The following ANK3 variants were observed in gnomAD, a reference collection of about 807,000 sequenced individuals.
The protein encoded by ANK3 is ankyrin-3.
Under a neutral mutation model 370.9 loss-of-function variants are expected in ANK3, and 57 were observed. The observed-to-expected ratio is 0.15, with a 90% CI of 0.12 to 0.19. The LOEUF is 0.19. Among genes scored for constraint, ANK3 ranks in the 10% least tolerant of loss-of-function variants. The probability of loss-of-function intolerance (pLI) is 1.00; values close to 1 mark genes in which losing one functional copy is unlikely to be tolerated. For synonymous variants in ANK3, 1,929 were observed against 1,946.3 expected (o/e 0.99, Z 0.23); for missense variants, 4,439 against 5,302.1 (o/e 0.84, Z 5.06).
Position 60,074,756 on chromosome 10 carries a change from C to G in ANK3, c.6125G>C (p.Gly2042Ala), listed in dbSNP as rs2131981990. Reference sequence around the variant, plus strand: ...TTTTAAGTTTGTCAGTGAACTACTCCCAATATCATTTGTTAGGTAATCAAT... The same window carrying G: ...TTTTAAGTTTGTCAGTGAACTACTCGCAATATCATTTGTTAGGTAATCAAT... ...KVIDYLTNDI[G>A]SSSLTNLKYK... The change falls in exon 37 of 44, where the codon GGG (glycine) becomes GCG (alanine). Residue 2042 changes from glycine (G) to alanine (A), a missense_variant. This residue lies in a region of ANK3 where 679 missense variants were observed against 791.0 expected (regional missense o/e 0.86). Transcript: ENST00000280772. The G allele has an allele frequency of 6.2e-7, 1 of 1,614,060 alleles. No homozygotes were observed. The highest frequency in any genetic ancestry group is 8.5e-7 in the Non-Finnish European group (1 of 1,179,996).
rs144051466 is a variant in ANK3, at chr10:60,181,340, C to T, written c.2173G>A (p.Ala725Thr). 2.0e-4 allele frequency: 318 copies of T among 1,614,114 alleles called. 1 individual carries two copies. The highest frequency in any genetic ancestry group is 2.4e-4 in the Non-Finnish European group (289 of 1,179,960). The change falls in exon 18 of 44, where the codon GCC (alanine) becomes ACC (threonine). Residue 725 changes from alanine to threonine, a missense_variant. This residue lies in a region of ANK3 where 702 missense variants were observed against 941.5 expected (regional missense o/e 0.75). Coordinates refer to ENST00000280772, the MANE Select transcript of ANK3 (RefSeq NM_020987.5). Reference protein sequence around the residue: ...VLVNQGAHVDAQTKMGYTPLH... With the variant: ...VLVNQGAHVDTQTKMGYTPLH... ...GGAGGGCCGTATACCTTTGTCTGGG[C>T]GTCCACATGAGCCCCTTGGTTTACG...
At chr10:60,726,375 G>A (rs2079941283) in intron 1 of ANK3, among the ~76,000 whole-genome samples, 2 of 152,124 alleles carry the variant, frequency 1.3e-5, no homozygotes, top group Non-Finnish European at 2.9e-5. Flanking sequence ...CAGACATAAG[G>A]ATATGAACAA....
At chr10:60,321,785 T>C (rs919464413) in intron 1 of ANK3, among the ~76,000 whole-genome samples, 2 of 152,202 alleles carry the variant, frequency 1.3e-5, no homozygotes, top group African/African-American at 4.8e-5. Flanking sequence ...CTGCCTCCCC[T>C]TTGTTGATCA....
In ANK3 at chr10:60,124,197, G is replaced by A. The variant is rs146475074; in HGVS notation, c.2842-9866C>T. The stretch of plus-strand genomic sequence containing the variant: ...TTTTGAGACAGAGTCTCACTCTGTC[G>A]CCTAGGCTCAAGTGCAGTGGCGCTA... On this transcript the variant is annotated intron_variant, in intron 25 of 43. Coordinates refer to ENST00000280772, the MANE Select transcript of ANK3 (RefSeq NM_020987.5). Among the ~76,000 whole-genome samples, 1,343 of 152,150 alleles carry A rather than the reference G, an allele frequency of 8.8e-3. 28 individuals are homozygous for A. The highest frequency in any genetic ancestry group is 0.031 in the African/African-American group (1,277 of 41,528).
At chr10:60,032,159 T>TA (rs2131833163) in intron 43 of ANK3, among the ~76,000 whole-genome samples, 1 of 149,668 alleles carries the variant, frequency 6.7e-6, no homozygotes, top group Non-Finnish European at 1.5e-5. Context: ...ATATAATTTG[T>TA]ATATCATACT....
intron 2 of ANK3, among the ~76,000 whole-genome samples, chr10:60,489,545 T>C (rs1403922442): frequency 6.6e-6 from 1 of 152,196 alleles, no homozygotes; most frequent in Non-Finnish European, 1.5e-5. Context: ...ATTTAGCACA[T>C]TTCCTTCTAG....
chr10:60,224,460 C>T (rs150147334), intron 8 of ANK3, among the ~76,000 whole-genome samples: 99 of 152,068 alleles, frequency 6.5e-4, no homozygotes, highest in African/African-American at 2.3e-3. Flanking sequence ...AAAGACTTTC[C>T]GGTCTGATTT....
At chr10:60,440,164 A>G (rs753242047) in intron 2 of ANK3, among the ~76,000 whole-genome samples, 1 of 152,108 alleles carries the variant, frequency 6.6e-6, no homozygotes, top group Non-Finnish European at 1.5e-5. Context: ...CAGCTTAAAT[A>G]ATGTTCACCT....
Position 60,068,945 on chromosome 10 carries a change from CTGGTGGTGGTGGTAGTGGTGGTAG to C in ANK3, c.11912_11935del (p.Thr3971_Thr3978del), listed in dbSNP as rs767481717. On this transcript the variant is annotated inframe_deletion, in exon 37 of 44. Coordinates refer to ENST00000280772, the MANE Select transcript of ANK3 (RefSeq NM_020987.5). The stretch of plus-strand genomic sequence containing the variant: ...ACTTTTCCTAACTTTAACTGTGCAG[CTGGTGGTGGTGGTAGTGGTGGTAG>C]TGGTGGTGGTGGTGGCAGTGGTGGT... 5.0e-6 allele frequency: 8 copies of C among 1,613,780 alleles called. No individual in the cohort carries two copies. The highest frequency in any genetic ancestry group is 2.7e-5 in the African/African-American group (2 of 74,854).
intron 2 of ANK3, among the ~76,000 whole-genome samples, chr10:60,402,506 T>C (rs1330091432): frequency 6.6e-6 from 1 of 152,224 alleles, no homozygotes; most frequent in African/African-American, 2.4e-5. Flanking sequence ...TAAATGATCC[T>C]ATATGCACAC....
intron 1 of ANK3, among the ~76,000 whole-genome samples, chr10:60,685,773 A>C (rs941297890): frequency 2.0e-5 from 3 of 152,202 alleles, no homozygotes; most frequent in Admixed American, 2.0e-4. Flanking sequence ...GATAGTTGGA[A>C]CTGTGAATGC....
intron 1 of ANK3, among the ~76,000 whole-genome samples, chr10:60,723,985 CT>C (rs2079901867): frequency 6.7e-6 from 1 of 149,992 alleles, no homozygotes; most frequent in Non-Finnish European, 1.5e-5. Context: ...CCGAGGCGGG[CT>C]GATCACGAGG....
chr10:60,172,596 G>C (rs2132313828), intron 20 of ANK3, among the ~76,000 whole-genome samples, 193 bp from the exon 21 acceptor site: 1 of 152,264 alleles, frequency 6.6e-6, no homozygotes, highest in South Asian at 2.1e-4. Context: ...AGCTACACAT[G>C]CAATCCAAGA....
At chr10:60,052,871 G>C (rs2078360894) in intron 42 of ANK3, among the ~76,000 whole-genome samples, 3 of 151,782 alleles carry the variant, frequency 2.0e-5, no homozygotes, top group Non-Finnish European at 4.4e-5. Flanking sequence ...GGAGGTACAG[G>C]TGTTAGATAA....
At chr10:60,037,457 T>A (rs1466854093) in intron 43 of ANK3, among the ~76,000 whole-genome samples, 1 of 152,168 alleles carries the variant, frequency 6.6e-6, no homozygotes, top group African/African-American at 2.4e-5. Context: ...CCTCTCACCC[T>A]CAAGTAGATC....
intron 28 of ANK3, among the ~76,000 whole-genome samples, chr10:60,089,459 T>TTG (rs61497871): frequency 0.082 from 11,584 of 141,134 alleles, 505 homozygotes; most frequent in Non-Finnish European, 0.11. Context: ...TCCATCCAGG[T>TTG]TGTGTGTGTG....
chr10:60,225,211 C>T (rs937377118), intron 8 of ANK3, among the ~76,000 whole-genome samples: 1 of 152,152 alleles, frequency 6.6e-6, no homozygotes, highest in Non-Finnish European at 1.5e-5. Flanking sequence ...CCGCACCCAG[C>T]CAGCAAAGCT....
chr10:60,641,317 C>A (rs1348517129), intron 1 of ANK3, among the ~76,000 whole-genome samples: 1 of 151,382 alleles, frequency 6.6e-6, no homozygotes, highest in African/African-American at 2.4e-5. Flanking sequence ...GAGCCCGCAT[C>A]GCCAAGTCAA....
intron 42 of ANK3, among the ~76,000 whole-genome samples, chr10:60,048,824 G>A (rs141104303): frequency 6.6e-5 from 10 of 152,306 alleles, no homozygotes; most frequent in African/African-American, 2.4e-4. Context: ...CTGTCTGGCT[G>A]TGTGATTTTG....
Sources: allele counts gnomAD v4.1 joint callset (sites outside exome capture counted in the v4.1 genomes callset), GRCh38; gene constraint gnomAD v4.1.1; regional missense constraint gnomAD v4.1.1; transcripts MANE v1.5; gene names NCBI Gene and HGNC (gene_info 2026-07-23, HGNC 2026-07-21).